Variants in RAB7B observed in about 807,000 individuals in gnomAD.
RAB7B encodes RAB7B, member RAS oncogene family, also known as ras-related protein Rab-7b.
intron 4 of RAB7B, among the ~76,000 whole-genome samples, chr1:205,985,922 T>C (rs968733361): frequency 7.8e-6 from 1 of 128,272 alleles, no homozygotes. Flanking sequence ...GTTAGCTCCA[T>C]TTCACAGATG....
At chr1:205,983,199 C>T (rs1284941526) in intron 5 of RAB7B, among the ~76,000 whole-genome samples, 1 of 152,186 alleles carries the variant, frequency 6.6e-6, no homozygotes, top group Non-Finnish European at 1.5e-5. Flanking sequence ...GTCTTCTTGC[C>T]AACATGACCT....
At chr1:205,999,882 C>G (rs1332444867) in intron 1 of RAB7B, among the ~76,000 whole-genome samples, 4 of 152,206 alleles carry the variant, frequency 2.6e-5, no homozygotes, top group African/African-American at 7.2e-5. Flanking sequence ...ATCCTCCCCC[C>G]TCAACCTCCC....
In RAB7B at chr1:205,993,446, A is replaced by G; in HGVS notation, c.154T>C (p.Leu52=). ...GASILSKIII[L]GDTTLKLQIW... ...TGTAACTTCAAAGTTGTGTCACCCA[A>G]TATGATAATCTTGGAGAGGATGCTG... The change falls in exon 3 of 6, where the codon TTG becomes CTG. Residue 52 remains leucine (L), a synonymous_variant. Transcript: ENST00000617070. The G allele has an allele frequency of 2.5e-6, 1 of 398,598 alleles. No homozygotes were observed. Among genetic ancestry groups the G allele is most frequent in the Non-Finnish European group, 4.4e-6 (1 of 226,062 alleles). 24.7% of individuals were successfully genotyped at this position (398,598 alleles called of 1,614,324 possible).
intron 4 of RAB7B, among the ~76,000 whole-genome samples, chr1:205,988,360 T>C (rs1046005853): frequency 4.6e-5 from 7 of 151,712 alleles, no homozygotes; most frequent in Admixed American, 2.0e-4. Context: ...TTCCGAGTAG[T>C]TCAGACTACA....
chr1:205,976,860 C>A lies in RAB7B; in HGVS notation c.*1991G>T, dbSNP rs1394036047. 1 of 152,250 alleles carries A rather than the reference C, an allele frequency of 6.6e-6. No individual in the cohort carries two copies. Among genetic ancestry groups the A allele is most frequent in the Non-Finnish European group, 1.5e-5 (1 of 68,048 alleles). 9.4% of individuals were successfully genotyped at this position (152,250 alleles called of 1,614,324 possible). On this transcript the variant is annotated 3_prime_UTR_variant, in exon 6 of 6. Transcript: ENST00000617070. Reference sequence around the variant, plus strand: ...ACGTGACAATCCAGTCTGCCTGACTCCCAGGACAGCCTGTGTGATATGCAA... The same window carrying A: ...ACGTGACAATCCAGTCTGCCTGACTACCAGGACAGCCTGTGTGATATGCAA...
At chr1:205,982,178 CT>C (rs1293940261) in intron 5 of RAB7B, among the ~76,000 whole-genome samples, 1 of 152,192 alleles carries the variant, frequency 6.6e-6, no homozygotes, top group Non-Finnish European at 1.5e-5. Context: ...GTCATTATCC[CT>C]TTCTCTCATG....
chr1:205,997,403 G>C (rs2102643172), intron 1 of RAB7B, among the ~76,000 whole-genome samples: 1 of 152,320 alleles, frequency 6.6e-6, no homozygotes, highest in South Asian at 2.1e-4. Context: ...CATGTGGTTG[G>C]GGAGGGAATG....
At chr1:205,995,458 C>A (rs957984986) in intron 1 of RAB7B, among the ~76,000 whole-genome samples, 77 of 152,294 alleles carry the variant, frequency 5.1e-4, no homozygotes, top group African/African-American at 1.8e-3. Flanking sequence ...TTCACTGCAG[C>A]TTTGTTCACA....
chr1:205,998,797 C>T (rs1275929073), intron 1 of RAB7B, among the ~76,000 whole-genome samples: 2 of 152,190 alleles, frequency 1.3e-5, no homozygotes, highest in African/African-American at 4.8e-5. Context: ...TATTATAATA[C>T]ATTGAACACA....
At chr1:206,001,631 C>CT (rs1195991342) in intron 1 of RAB7B, among the ~76,000 whole-genome samples, 1 of 152,226 alleles carries the variant, frequency 6.6e-6, no homozygotes, top group African/African-American at 2.4e-5. Flanking sequence ...ATGCAGGACT[C>CT]TGCCTTCAGC....
intron 5 of RAB7B, among the ~76,000 whole-genome samples, 175 bp from the exon 6 acceptor site, chr1:205,979,103 G>C (rs1660440508): frequency 6.6e-6 from 1 of 152,106 alleles, no homozygotes; most frequent in Non-Finnish European, 1.5e-5. Flanking sequence ...CTTCTTCCCT[G>C]TGTCTCCCCT....
chr1:205,998,131 G>A (rs1045337118), intron 1 of RAB7B, among the ~76,000 whole-genome samples: 108 of 152,244 alleles, frequency 7.1e-4, no homozygotes, highest in Middle Eastern at 6.8e-3. Flanking sequence ...CAAGGTGGGC[G>A]GATCATGAGG....
intron 5 of RAB7B, chr1:205,984,202 G>A: frequency 6.6e-6 from 1 of 152,414 alleles, no homozygotes; most frequent in Non-Finnish European, 1.5e-5. Flanking sequence ...GAGACAGTGA[G>A]GGCTGGAGGA....
At chr1:206,002,874 A>G (rs1660912132) in intron 1 of RAB7B, among the ~76,000 whole-genome samples, 1 of 152,204 alleles carries the variant, frequency 6.6e-6, no homozygotes, top group Non-Finnish European at 1.5e-5. Context: ...CACTCTGTCA[A>G]TGTCACAAGG....
At chr1:205,979,739 G>A (rs944465166) in intron 5 of RAB7B, among the ~76,000 whole-genome samples, 1 of 152,182 alleles carries the variant, frequency 6.6e-6, no homozygotes, top group Non-Finnish European at 1.5e-5. Flanking sequence ...CGGGGTGAGT[G>A]ATGAGCATTC....
At chr1:205,998,718 T>C (rs1423705773) in intron 1 of RAB7B, among the ~76,000 whole-genome samples, 1 of 152,202 alleles carries the variant, frequency 6.6e-6, no homozygotes, top group Non-Finnish European at 1.5e-5. Context: ...ATTTGTTTGG[T>C]GGGCACTGTG....
intron 4 of RAB7B, among the ~76,000 whole-genome samples, chr1:205,988,098 C>T (rs1204595183): frequency 6.6e-6 from 1 of 152,144 alleles, no homozygotes; most frequent in Non-Finnish European, 1.5e-5. Flanking sequence ...ATATTGTATT[C>T]ACATTGTACA....
intron 1 of RAB7B, among the ~76,000 whole-genome samples, chr1:206,002,124 A>C (rs1386557309): frequency 6.6e-6 from 1 of 152,212 alleles, no homozygotes; most frequent in Non-Finnish European, 1.5e-5. Context: ...ACCCTAAAAA[A>C]TAATGGGACC....
At chr1:205,988,770 G>A (rs957638404) in intron 4 of RAB7B, among the ~76,000 whole-genome samples, 60 of 152,152 alleles carry the variant, frequency 3.9e-4, no homozygotes, top group African/African-American at 2.4e-5. Flanking sequence ...CAGGTGGGCG[G>A]CTGTGAGTCC....
Sources: gnomAD v4.1 joint callset for allele counts (sites outside exome capture counted in the v4.1 genomes callset) on GRCh38, gnomAD v4.1.1 for gene constraint, MANE v1.5 for transcripts, NCBI Gene and HGNC (gene_info 2026-07-23, HGNC 2026-07-21) for gene names.